The following ABCC9 variants were observed in gnomAD, a reference collection of about 807,000 sequenced individuals.
ABCC9 encodes the protein ATP-binding cassette sub-family C member 9.
In ABCC9, 95 loss-of-function variants were observed where a neutral mutation model predicts 188.3. The ratio of observed to expected loss-of-function variants is 0.50; its 90% confidence interval spans 0.43 to 0.60. ABCC9 has a LOEUF of 0.60. Among genes scored for constraint, ABCC9 ranks in the 20% least tolerant of loss-of-function variants. ABCC9 has a pLI of 0.00. For synonymous variants in ABCC9, 659 were observed against 652.7 expected (o/e 1.01, Z -0.15); for missense variants, 1,102 against 1,876.3 (o/e 0.59, Z 7.62).
intron 24 of ABCC9, among the ~76,000 whole-genome samples, chr12:21,851,290 A>G (rs1253370275): frequency 2.6e-5 from 4 of 152,128 alleles, no homozygotes; most frequent in Non-Finnish European, 5.9e-5. Flanking sequence ...GTTGTACTCA[A>G]TCTGGTATCC....
chr12:21,925,973 G>T lies in ABCC9; in HGVS notation c.375C>A (p.Ile125=). 6.2e-7 allele frequency: 1 copy of T among 1,613,360 alleles called. No individual in the cohort carries two copies. Among genetic ancestry groups the T allele is most frequent in the Non-Finnish European group, 8.5e-7 (1 of 1,179,386 alleles). The change falls in exon 5 of 40, where the codon ATC becomes ATA. Residue 125 remains isoleucine, a synonymous_variant. Transcript: ENST00000261200. ...GTAATTTAGGAAAATTTGATGTTTC[G>T]ATATTATGATAATACACTATCGATG... The part of the protein sequence containing the change: ...TTTSIVYYHN[I]ETSNFPKLLL...
chr12:21,931,516 AC>A (rs1254111631), intron 4 of ABCC9, among the ~76,000 whole-genome samples: 2 of 152,100 alleles, frequency 1.3e-5, no homozygotes, highest in Admixed American at 1.3e-4. Context: ...CTGTATTTTT[AC>A]CTGTTTTTAG....
intron 30 of ABCC9, among the ~76,000 whole-genome samples, chr12:21,836,762 C>G (rs1484733604): frequency 6.6e-6 from 1 of 151,604 alleles, no homozygotes; most frequent in Non-Finnish European, 1.5e-5. Context: ...GATGCCACAA[C>G]AACAACAAAA....
At chr12:21,879,928 C>T (rs952669698) in intron 16 of ABCC9, among the ~76,000 whole-genome samples, 2 of 151,670 alleles carry the variant, frequency 1.3e-5, no homozygotes, top group Non-Finnish European at 2.9e-5. Context: ...ATCATTACAG[C>T]GGAGTACTGA....
At position 21,856,153 on chromosome 12, in the gene ABCC9, T is replaced by C. The variant is rs73074913; in HGVS notation, c.2505+3433A>G. Among the ~76,000 whole-genome samples the C allele has an allele frequency of 7.5e-3, 1,138 of 152,266 alleles. 9 individuals are homozygous for C. Among genetic ancestry groups the C allele is most frequent in the South Asian group, 0.015 (74 of 4,816 alleles). On this transcript the variant is annotated intron_variant, in intron 22 of 39. Coordinates refer to ENST00000261200, the MANE Select transcript of ABCC9 (RefSeq NM_020297.4). ...ATATGCCATAGCTTCATGGTGGGGATTTGTGATTTTTTTTGTCAAATATAA... is the reference window on the plus strand; with the variant it reads ...ATATGCCATAGCTTCATGGTGGGGACTTGTGATTTTTTTTGTCAAATATAA...
At chr12:21,872,600 G>A (rs894294513) in intron 18 of ABCC9, 25 bp downstream of exon 18, 41 of 1,537,600 alleles carry the variant, frequency 2.7e-5, no homozygotes, top group Non-Finnish European at 3.6e-5. Context: ...ACATAGCAAT[G>A]GAAGCCAACT....
At chr12:21,824,765 T>C (rs949274724) in intron 31 of ABCC9, among the ~76,000 whole-genome samples, 2 of 152,220 alleles carry the variant, frequency 1.3e-5, no homozygotes, top group Non-Finnish European at 2.9e-5. Context: ...CTAGATTTTC[T>C]AGTTTATTTG....
chr12:21,888,571 C>T (rs893869387), intron 14 of ABCC9, among the ~76,000 whole-genome samples: 2 of 152,106 alleles, frequency 1.3e-5, no homozygotes, highest in Admixed American at 6.6e-5. Context: ...AATCTCAGCC[C>T]TGCCTCCAAA....
intron 18 of ABCC9, among the ~76,000 whole-genome samples, chr12:21,871,234 C>A (rs1946057307): frequency 6.6e-6 from 1 of 152,094 alleles, no homozygotes; most frequent in Non-Finnish European, 1.5e-5. Flanking sequence ...TCATCTAGTG[C>A]CTGAGGTTAG....
At chr12:21,921,713 T>C (rs2137965219) in intron 5 of ABCC9, among the ~76,000 whole-genome samples, 1 of 152,226 alleles carries the variant, frequency 6.6e-6, no homozygotes, top group South Asian at 2.1e-4. Flanking sequence ...AGATTTTAGA[T>C]TTAAGTCTTT....
chr12:21,841,010 A>G (rs768849898), intron 29 of ABCC9, among the ~76,000 whole-genome samples: 9 of 152,192 alleles, frequency 5.9e-5, no homozygotes, highest in Non-Finnish European at 1.3e-4. Flanking sequence ...GCACTTATCC[A>G]TGTATTAGGA....
In ABCC9 at chr12:21,828,902, T is replaced by C. The variant is rs535084290; in HGVS notation, c.3669+56A>G. 83 of 1,401,156 alleles carry C rather than the reference T, an allele frequency of 5.9e-5. No individual in the cohort carries two copies. In the South Asian group the frequency reaches 9.1e-4, roughly 15 times the overall value. 86.8% of individuals were successfully genotyped at this position (1,401,156 alleles called of 1,614,324 possible). ...TAATTTTTACAACTGTCTGCCTCTT[T>C]GCAGCAGGCGTCTTCTCTATTTGGT... On this transcript the variant is annotated intron_variant, in intron 31 of 39. Transcript: ENST00000261200.
rs1046854309 is a variant in ABCC9, at chr12:21,815,807, G to T, written c.3979C>A (p.Pro1327Thr). 1.9e-6 allele frequency: 3 copies of T among 1,613,290 alleles called. No homozygotes were observed. The highest frequency in any genetic ancestry group is 1.7e-5 in the Admixed American group (1 of 59,948). ...LCVRYENNLK[P>T]VLKHVKAYIK... ...TAAGCCTTGACGTGCTTAAGAACAG[G>T]TTTCAGATTATTTTCATATCTGACA... The change falls in exon 34 of 40, where the codon CCT (proline) becomes ACT (threonine). Residue 1327 changes from proline (P) to threonine (T), a missense_variant. By Grantham distance (38) the Pro-to-Thr change is conservative. This residue lies in a region of ABCC9 where 143 missense variants were observed against 225.6 expected (regional missense o/e 0.63). Transcript: ENST00000261200.
Position 21,815,667 on chromosome 12 carries a change from T to A in ABCC9, c.4023+96A>T, listed in dbSNP as rs928551697. The stretch of plus-strand genomic sequence containing the variant: ...ACCTACATCAGGTAGGGAATATACT[T>A]ACTTGGCTGGGAAGTATGAAGAGCT... On this transcript the variant is annotated intron_variant, in intron 34 of 39. Transcript: ENST00000261200. 178 of 1,488,050 alleles carry A rather than the reference T, an allele frequency of 1.2e-4. 1 individual carries two copies. The highest frequency in any genetic ancestry group is 1.3e-4 in the Non-Finnish European group (144 of 1,081,676). 92.2% of individuals were successfully genotyped at this position (1,488,050 alleles called of 1,614,324 possible). A position where few individuals can be genotyped will look rare whatever the true frequency, so the allele number is the denominator to read the frequency against.
intron 38 of ABCC9, among the ~76,000 whole-genome samples, chr12:21,806,562 C>A (rs551096306): frequency 6.6e-6 from 1 of 152,298 alleles, no homozygotes; most frequent in African/African-American, 2.4e-5. Context: ...CAGATTCCAT[C>A]TCTGTCCTAG....
chr12:21,842,833 C>A (rs1944463298), intron 28 of ABCC9, among the ~76,000 whole-genome samples: 1 of 152,112 alleles, frequency 6.6e-6, no homozygotes, highest in Non-Finnish European at 1.5e-5. Flanking sequence ...ATAGTATTAG[C>A]TTATTTAGCT....
At chr12:21,923,868 A>G (rs1320735341) in intron 5 of ABCC9, 1 of 697,458 alleles carries the variant, frequency 1.4e-6, no homozygotes, top group East Asian at 2.7e-5. Context: ...TGGAAATAGT[A>G]CAGATGTCTA....
intron 28 of ABCC9, among the ~76,000 whole-genome samples, chr12:21,842,893 G>A (rs559886885): frequency 1.5e-4 from 23 of 151,904 alleles, no homozygotes; most frequent in Admixed American, 5.2e-4. Context: ...TTGCTTCCTC[G>A]TATCCTTTGG....
Position 21,887,674 on chromosome 12 carries a change from T to TTG in ABCC9, c.1911+150_1911+151dup, listed in dbSNP as rs916906319. 3 of 658,482 alleles carry TTG rather than the reference T, an allele frequency of 4.6e-6. No individual in the cohort carries two copies. In the African/African-American group the frequency reaches 5.5e-5, roughly 12 times the overall value. The allele number at this position is 658,482 out of a possible 1,614,324, so 40.8% of individuals were successfully genotyped here. A position where few individuals can be genotyped will look rare whatever the true frequency, so the allele number is the denominator to read the frequency against. The stretch of plus-strand genomic sequence containing the variant: ...ATACATTCGTCTATTGATTTTAGAC[T>TTG]TGTGAGGTTGTAGAGAAGCAAGTCG... On this transcript the variant is annotated intron_variant, in intron 15 of 39. Coordinates refer to ENST00000261200, the MANE Select transcript of ABCC9 (RefSeq NM_020297.4).
Sources: allele counts gnomAD v4.1 joint callset (sites outside exome capture counted in the v4.1 genomes callset), GRCh38; gene constraint gnomAD v4.1.1; regional missense constraint gnomAD v4.1.1; transcripts MANE v1.5; gene names NCBI Gene and HGNC (gene_info 2026-07-23, HGNC 2026-07-21).